The following CDK14 variants were observed in gnomAD, a reference collection of about 807,000 sequenced individuals.
CDK14 encodes cyclin dependent kinase 14, also known as cyclin-dependent kinase 14.
Under a neutral mutation model 60.7 loss-of-function variants are expected in CDK14, and 34 were observed. That is an observed-to-expected ratio of 0.56 (90% CI 0.43 to 0.75). CDK14 has a LOEUF of 0.75. Among genes scored for constraint, CDK14 ranks in the 30% least tolerant of loss-of-function variants. The pLI is 0.00. For missense variants in CDK14, 482 were observed against 564.1 expected, an observed-to-expected ratio of 0.85 and a Z score of 1.47; for synonymous variants, 197 against 203.7, an observed-to-expected ratio of 0.97 and a Z score of 0.28.
intron 6 of CDK14, among the ~76,000 whole-genome samples, chr7:90,877,749 A>G (rs943713521): frequency 6.6e-6 from 1 of 152,146 alleles, no homozygotes; most frequent in Non-Finnish European, 1.5e-5. Context: ...TACTATGGGA[A>G]AGCAATATGG....
intron 12 of CDK14, among the ~76,000 whole-genome samples, chr7:91,096,617 A>G (rs1251513996): frequency 6.6e-6 from 1 of 152,188 alleles, no homozygotes; most frequent in Non-Finnish European, 1.5e-5. Context: ...CATTACAGCT[A>G]TCCTCATGGG....
At position 91,127,974 on chromosome 7, in the gene CDK14, G is replaced by A. The variant is rs144281235; in HGVS notation, c.*28+9766G>A. Among the ~76,000 whole-genome samples, 94 of 152,120 alleles carry A rather than the reference G, an allele frequency of 6.2e-4. 1 individual carries two copies. The East Asian group carries it at 0.016, about 26-fold the overall frequency. ...CTTTTTTTAAACATAAATTCCATCC[G>A]AAAACGTATTTTGTTTTGATAAGAA... On this transcript the variant is annotated intron_variant, in intron 14 of 14. Transcript: ENST00000380050.
chr7:90,810,514 C>G (rs1193380141), intron 5 of CDK14, among the ~76,000 whole-genome samples: 1 of 152,140 alleles, frequency 6.6e-6, no homozygotes, highest in African/African-American at 2.4e-5. Flanking sequence ...CAGCCAATAC[C>G]ATACTGAATG....
intron 14 of CDK14, among the ~76,000 whole-genome samples, chr7:91,184,670 G>A (rs149138233): frequency 7.0e-4 from 107 of 152,288 alleles, no homozygotes; most frequent in Admixed American, 2.2e-3. Flanking sequence ...TAAATGGTAG[G>A]TGTTTGGTGT....
intron 5 of CDK14, among the ~76,000 whole-genome samples, chr7:90,794,913 G>A (rs1183429315): frequency 6.6e-6 from 1 of 152,122 alleles, no homozygotes; most frequent in African/African-American, 2.4e-5. Flanking sequence ...TATTAATTTG[G>A]GGAACTAATA....
At chr7:90,619,650 G>A (rs375485961) in intron 2 of CDK14, among the ~76,000 whole-genome samples, 4 of 152,068 alleles carry the variant, frequency 2.6e-5, no homozygotes, top group South Asian at 4.1e-4. Flanking sequence ...AGAACTGACC[G>A]TTATGTTTAA....
intron 7 of CDK14, among the ~76,000 whole-genome samples, chr7:90,910,549 A>T (rs1253300828): frequency 4.6e-5 from 7 of 152,296 alleles, no homozygotes; most frequent in Non-Finnish European, 1.0e-4. Flanking sequence ...ATACTATTTG[A>T]AGTATTTATT....
At chr7:91,104,947 A>G (rs1426486493) in intron 12 of CDK14, among the ~76,000 whole-genome samples, 2 of 152,222 alleles carry the variant, frequency 1.3e-5, no homozygotes, top group Non-Finnish European at 2.9e-5. Context: ...CTTAAAAATT[A>G]TAAGCATAGA....
intron 2 of CDK14, among the ~76,000 whole-genome samples, chr7:90,613,141 T>C (rs1352050310): frequency 3.3e-5 from 5 of 152,208 alleles, no homozygotes; most frequent in Non-Finnish European, 7.3e-5. Flanking sequence ...GTGGCTCAAA[T>C]GTCTGCGTAG....
intron 14 of CDK14, among the ~76,000 whole-genome samples, chr7:91,150,014 G>C (rs1004561524): frequency 6.6e-6 from 1 of 152,162 alleles, no homozygotes; most frequent in African/African-American, 2.4e-5. Context: ...CAGCTGCCAC[G>C]GTTACAGAGC....
chr7:90,702,372 A>G (rs572901820), intron 2 of CDK14, among the ~76,000 whole-genome samples: 1 of 152,302 alleles, frequency 6.6e-6, no homozygotes, highest in South Asian at 2.1e-4. Context: ...GCATGTTTGT[A>G]GTGAACCTGA....
intron 14 of CDK14, among the ~76,000 whole-genome samples, chr7:91,178,848 A>G (rs983007275): frequency 3.9e-5 from 6 of 151,940 alleles, no homozygotes; most frequent in Non-Finnish European, 8.8e-5. Flanking sequence ...GAACACTTTT[A>G]CACTGTTGAT....
In CDK14 at chr7:90,850,499, G is replaced by A. The variant is rs370049853; in HGVS notation, c.545-12676G>A. On this transcript the variant is annotated intron_variant, in intron 5 of 14. Transcript: ENST00000380050. ...CACTGCTGAGAGAAGGTTAGAAAAGGCACCTCACTTAACCTTGGGGGTCAG... is the reference window on the plus strand; with the variant it reads ...CACTGCTGAGAGAAGGTTAGAAAAGACACCTCACTTAACCTTGGGGGTCAG... Among the ~76,000 whole-genome samples, 173 of 152,248 alleles carry A rather than the reference G, an allele frequency of 1.1e-3. 2 individuals carry two copies. In the South Asian group the frequency reaches 0.035, roughly 31 times the overall value.
chr7:90,884,498 G>A (rs1283990712), intron 6 of CDK14, among the ~76,000 whole-genome samples: 3 of 152,116 alleles, frequency 2.0e-5, no homozygotes, highest in Non-Finnish European at 4.4e-5. Context: ...TCATGAAAAT[G>A]GCCATACTGT....
At chr7:91,050,129 C>T (rs1335565019) in intron 11 of CDK14, among the ~76,000 whole-genome samples, 1 of 152,108 alleles carries the variant, frequency 6.6e-6, no homozygotes, top group African/African-American at 2.4e-5. Flanking sequence ...TCATAGACGA[C>T]GTGGGGCCTT....
chr7:91,044,179 C>T (rs896516930), intron 10 of CDK14, among the ~76,000 whole-genome samples: 1 of 151,434 alleles, frequency 6.6e-6, no homozygotes, highest in South Asian at 2.1e-4. Context: ...GCGAAACATG[C>T]GACATCAATC....
chr7:91,161,233 G>A (rs1042277869), intron 14 of CDK14, among the ~76,000 whole-genome samples: 2 of 151,910 alleles, frequency 1.3e-5, no homozygotes, highest in Non-Finnish European at 2.9e-5. Context: ...TAGACGGAGA[G>A]GATTCAGGAA....
intron 2 of CDK14, among the ~76,000 whole-genome samples, chr7:90,702,108 G>A (rs1326320370): frequency 6.6e-6 from 1 of 152,144 alleles, no homozygotes; most frequent in Non-Finnish European, 1.5e-5. Context: ...AGTGGATGGC[G>A]TGGGGTGGAA....
chr7:91,112,698 C>T lies in CDK14; in HGVS notation c.1294+17C>T. The T allele has an allele frequency of 6.2e-7, 1 of 1,612,152 alleles. No homozygotes were observed. The highest frequency in any genetic ancestry group is 8.5e-7 in the Non-Finnish European group (1 of 1,178,916). On this transcript the variant is annotated intron_variant, in intron 13 of 14. Coordinates refer to ENST00000380050, the MANE Select transcript of CDK14 (RefSeq NM_001287135.2). ...TCACCGACAGTGAGTATGACAAATC[C>T]ACAACATCCAGTCCAAGCAGACACA...
Sources: allele counts gnomAD v4.1 joint callset (sites outside exome capture counted in the v4.1 genomes callset), GRCh38; gene constraint gnomAD v4.1.1; transcripts MANE v1.5; gene names NCBI Gene and HGNC (gene_info 2026-07-23, HGNC 2026-07-21).